The following SLC52A3 variants were observed in gnomAD, a reference collection of about 807,000 sequenced individuals.
SLC52A3 encodes the protein solute carrier family 52 member 3.
In SLC52A3, 20 loss-of-function variants were observed where a neutral mutation model predicts 29.5. That is an observed-to-expected ratio of 0.68 (90% CI 0.48 to 0.99). SLC52A3 has a LOEUF of 0.99. Among genes scored for constraint, SLC52A3 ranks in the 50% least tolerant of loss-of-function variants. SLC52A3 has a pLI of 0.00. For missense variants in SLC52A3, 548 were observed against 612.9 expected, an observed-to-expected ratio of 0.89 and a Z score of 1.12; for synonymous variants, 301 against 271.0, an observed-to-expected ratio of 1.11 and a Z score of -1.09.
At chr20:764,178 G>A (rs1432493138) in intron 2 of SLC52A3, among the ~76,000 whole-genome samples, 175 bp from the exon 3 acceptor site, 4 of 152,128 alleles carry the variant, frequency 2.6e-5, no homozygotes, top group Admixed American at 6.5e-5. Context: ...CACTGAGCAC[G>A]GGCACTGTGC....
chr20:761,677 C>G (rs1198890087), intron 4 of SLC52A3, 24 bp downstream of exon 4: 2 of 1,612,770 alleles, frequency 1.2e-6, no homozygotes, highest in African/African-American at 1.3e-5. Context: ...GCAGCGGGAG[C>G]AGCCCCACCG....
chr20:769,751 G>GC, upstream of SLC52A3, among the ~76,000 whole-genome samples: 1 of 152,014 alleles, frequency 6.6e-6, no homozygotes. Flanking sequence ...ACAAAAATTA[G>GC]CCCAGCATGG....
Position 761,747 on chromosome 20 carries a change from C to T in SLC52A3, c.1151G>A (p.Ser384Asn). 1.2e-6 allele frequency: 2 copies of T among 1,614,108 alleles called. No homozygotes were observed. The highest frequency in any genetic ancestry group is 1.1e-5 in the South Asian group (1 of 91,068). Residue 384 changes from serine to asparagine, a missense_variant, in exon 4 of 5, where the codon AGC becomes AAC. Around this residue, in one of 2 missense-constraint regions of SLC52A3, gnomAD observed 173 missense variants for 141.8 expected, o/e 1.22. Transcript: ENST00000645534. ...GTGGCCCTGCAAGAGGGGGCAGGGG[C>T]TCATCACCGCCATGGCCATGTTGTA... is the stretch of plus-strand genomic sequence containing the variant. ...GGYNMAMAVM[S>N]PCPLLQGHWG...
chr20:771,029 C>T (rs1389272369), upstream of SLC52A3, among the ~76,000 whole-genome samples: 1 of 152,150 alleles, frequency 6.6e-6, no homozygotes, highest in Non-Finnish European at 1.5e-5. Flanking sequence ...CCCTGTTTTG[C>T]CTGTGTTGAA....
At chr20:772,014 G>C (rs903735771), upstream of SLC52A3, among the ~76,000 whole-genome samples, 3 of 152,238 alleles carry the variant, frequency 2.0e-5, no homozygotes, top group Non-Finnish European at 4.4e-5. Context: ...CAGTAGTTAA[G>C]GGGAGTAGGC....
intron 3 of SLC52A3, among the ~76,000 whole-genome samples, chr20:763,127 G>A (rs1261212676): frequency 3.9e-5 from 6 of 152,190 alleles, no homozygotes; most frequent in South Asian, 2.1e-4. Flanking sequence ...CCTTATAAAC[G>A]GGAACCTCAG....
intron 2 of SLC52A3, among the ~76,000 whole-genome samples, chr20:764,235 A>G (rs1330993890): frequency 6.6e-6 from 1 of 152,180 alleles, no homozygotes; most frequent in Non-Finnish European, 1.5e-5. Flanking sequence ...AGTGGGCACC[A>G]TCATCCCCCA....
chr20:770,720 C>T (rs1358754461), upstream of SLC52A3, among the ~76,000 whole-genome samples: 3 of 152,176 alleles, frequency 2.0e-5, no homozygotes, highest in African/African-American at 4.8e-5. This position sits in a 1 kb window ranked among gnomAD's most constrained non-coding sequence, Gnocchi z 4.5. Context: ...AGAGTGATGT[C>T]TTTTGTTTCC....
At position 761,080 on chromosome 20, in the gene SLC52A3, G is replaced by C; in HGVS notation, c.1356C>G (p.Asn452Lys). 1 of 1,609,950 alleles carries C rather than the reference G, an allele frequency of 6.2e-7. No individual in the cohort carries two copies. The highest frequency in any genetic ancestry group is 1.1e-5 in the South Asian group (1 of 90,494). Reference protein sequence around the residue: ...LGALLMFPLVNVLRLFSSADF... With the variant: ...LGALLMFPLVKVLRLFSSADF... ...CCGCGGACGAGAAGAGCCGCAGCAC[G>C]TTGACCAGAGGGAACATGAGCAGCG... is the stretch of plus-strand genomic sequence containing the variant. Residue 452 changes from asparagine to lysine, a missense_variant, in exon 5 of 5, where the codon AAC becomes AAG. Physicochemically the swap from Asn to Lys is moderately conservative, Grantham distance 94. Coordinates refer to ENST00000645534, the MANE Select transcript of SLC52A3 (RefSeq NM_033409.4).
rs1372472051 is a variant in SLC52A3, at chr20:765,779, G to T, written c.-5C>A. On this transcript the variant is annotated 5_prime_UTR_variant, in exon 2 of 5. Transcript: ENST00000645534. The surrounding 1 kb of genome is among the most constrained non-coding windows in gnomAD (Gnocchi z 6.6). ...CAGGTGCATCAGGAAGGCCATGGCG[G>T]TATCTGCCCTGGGCCAGAGGCTTTC... is the stretch of plus-strand genomic sequence containing the variant. The T allele has an allele frequency of 1.9e-6, 3 of 1,611,338 alleles. No homozygotes were observed. The highest frequency in any genetic ancestry group is 2.5e-6 in the Non-Finnish European group (3 of 1,179,106).
chr20:776,864 G>T (rs943845614), upstream of SLC52A3, among the ~76,000 whole-genome samples: 11 of 151,644 alleles, frequency 7.3e-5, no homozygotes, highest in East Asian at 3.9e-4. Context: ...TTTGGGGGGG[G>T]GGCCACAGGA....
chr20:778,880 A>C (rs566374), upstream of SLC52A3, among the ~76,000 whole-genome samples: 4 of 151,906 alleles, frequency 2.6e-5, no homozygotes, highest in African/African-American at 9.7e-5. Context: ...GTGCCTGGCC[A>C]CAATTTCATA....
chr20:765,462 T>C lies in SLC52A3; in HGVS notation c.313A>G (p.Ser105Gly). The change falls in exon 2 of 5, where the codon AGC becomes GGC. Residue 105 changes from serine (S) to glycine (G), a missense_variant. By Grantham distance (56) the Ser-to-Gly change is moderately conservative. Around this residue, in one of 2 missense-constraint regions of SLC52A3, gnomAD observed 375 missense variants for 471.1 expected, o/e 0.80. Coordinates refer to ENST00000645534, the MANE Select transcript of SLC52A3 (RefSeq NM_033409.4). This position sits in a 1 kb window ranked among gnomAD's most constrained non-coding sequence, Gnocchi z 6.6. Reference sequence around the variant, plus strand: ...AAGGTGAGGACCAAGAAGGCGATGCTGTGGTGGCCGTCCAGCACCCAGGAG... The same window carrying C: ...AAGGTGAGGACCAAGAAGGCGATGCCGTGGTGGCCGTCCAGCACCCAGGAG... ...MTSWVLDGHHSIAFLVLTFFL... is the reference protein window; with the variant it reads ...MTSWVLDGHHGIAFLVLTFFL... 1.2e-6 allele frequency: 2 copies of C among 1,607,384 alleles called. No homozygotes were observed. Among genetic ancestry groups the C allele is most frequent in the South Asian group, 2.2e-5 (2 of 90,178 alleles).
chr20:772,533 C>G (rs1986872706), upstream of SLC52A3, among the ~76,000 whole-genome samples: 1 of 151,670 alleles, frequency 6.6e-6, no homozygotes, highest in Admixed American at 6.6e-5. Context: ...CTCAGAATGG[C>G]TGGTGTTCGG....
chr20:779,071 G>A (rs113060413), upstream of SLC52A3, among the ~76,000 whole-genome samples: 2,003 of 152,234 alleles, frequency 0.013, 33 homozygotes, highest in African/African-American at 0.039. Context: ...TTCTAATCCT[G>A]TGGCCTTAGG....
chr20:775,410 A>G (rs1392156491), intron 1 of SLC52A3, among the ~76,000 whole-genome samples: 1 of 151,760 alleles, frequency 6.6e-6, no homozygotes, highest in Non-Finnish European at 1.5e-5. Context: ...AGTAGCTGGG[A>G]CTATTAACCC....
In SLC52A3 at chr20:760,606, GC is replaced by G; in HGVS notation, c.*419del. On this transcript the variant is annotated 3_prime_UTR_variant, in exon 5 of 5. Transcript: ENST00000645534. This position sits in a 1 kb window ranked among gnomAD's most constrained non-coding sequence, Gnocchi z 4.9. Reference sequence around the variant, plus strand: ...CTTTTTCCTTTTGCCTCCGTGCCATGCCTGTGAGGTAGTTGGTACTTACTGG... The same window carrying G: ...CTTTTTCCTTTTGCCTCCGTGCCATGCTGTGAGGTAGTTGGTACTTACTGG... 1 of 195,402 alleles carries G rather than the reference GC, an allele frequency of 5.1e-6. No individual in the cohort carries two copies. The highest frequency in any genetic ancestry group is 2.3e-3 in the Middle Eastern group (1 of 432). The allele number at this position is 195,402 out of a possible 1,614,324, so 12.1% of individuals were successfully genotyped here. A position where few individuals can be genotyped will look rare whatever the true frequency, so the allele number is the denominator to read the frequency against.
rs1986641692 is a variant in SLC52A3 at position 765,325 on chromosome 20, G to A, written c.450C>T (p.Leu150=). The change falls in exon 2 of 5, where the codon CTC becomes CTT. Residue 150 remains leucine (L), a synonymous_variant. Transcript: ENST00000645534. The surrounding 1 kb of genome is among the most constrained non-coding windows in gnomAD (Gnocchi z 6.6). The part of the protein sequence containing the change: ...TFFVGEGLSG[L]LPALVALAQG... ...GGGCAAGAGCCACCAGGGCGGGCAA[G>A]AGGCCGCTGAGTCCTTCACCCACAA... 6.2e-7 allele frequency: 1 copy of A among 1,614,140 alleles called. No individual in the cohort carries two copies.
At chr20:763,283 T>C (rs1235558640) in intron 3 of SLC52A3, among the ~76,000 whole-genome samples, 1 of 152,214 alleles carries the variant, frequency 6.6e-6, no homozygotes, top group Admixed American at 6.5e-5. Context: ...AATGTTACAC[T>C]CCCATTTTCC....
Sources: allele counts gnomAD v4.1 joint callset (sites outside exome capture counted in the v4.1 genomes callset), GRCh38; gene constraint gnomAD v4.1.1; regional missense constraint gnomAD v4.1.1; non-coding constraint Gnocchi (gnomAD v3.1); transcripts MANE v1.5; gene names NCBI Gene and HGNC (gene_info 2026-07-23, HGNC 2026-07-21).